The following SLC2A7 variants were observed in gnomAD, a reference collection of about 807,000 sequenced individuals.
SLC2A7 encodes solute carrier family 2 member 7.
A neutral mutation model predicts 50.5 loss-of-function variants in SLC2A7; 50 were observed. The ratio of observed to expected loss-of-function variants is 0.99; its 90% confidence interval spans 0.79 to 1.25. SLC2A7 has a LOEUF of 1.25. Ranked by LOEUF, SLC2A7 falls within the 50% of genes most tolerant of loss-of-function variation. The pLI, the probability that SLC2A7 is intolerant of heterozygous loss-of-function variation, is 0.00. For missense variants in SLC2A7, 683 were observed against 679.1 expected, an observed-to-expected ratio of 1.01 and a Z score of -0.06; for synonymous variants, 308 against 300.4, an observed-to-expected ratio of 1.03 and a Z score of -0.26.
chr1:9,022,441 T>A (rs1640924801), intron 3 of SLC2A7, among the ~76,000 whole-genome samples: 1 of 152,112 alleles, frequency 6.6e-6, no homozygotes, highest in African/African-American at 2.4e-5. Flanking sequence ...AGTCTTCATT[T>A]CCAAATAATC....
chr1:9,018,249 A>C lies in SLC2A7; in HGVS notation c.563T>G (p.Leu188Arg). The change falls in exon 5 of 12, where the codon CTC becomes CGC. Residue 188 changes from leucine (L) to arginine (R), a missense_variant. Transcript: ENST00000400906. Reference protein sequence around the residue: ...VGVFLAQIFSLQAILGNPAGW... With the variant: ...VGVFLAQIFSRQAILGNPAGW... The stretch of plus-strand genomic sequence containing the variant: ...TGCCGGGTTGCCCAAGATGGCCTGG[A>C]GGCTGAAGATCTGTGCTAGGAAGAC... 1.2e-6 allele frequency: 2 copies of C among 1,614,126 alleles called. 1 individual carries two copies. Among genetic ancestry groups the C allele is most frequent in the East Asian group, 4.5e-5 (2 of 44,880 alleles).
chr1:9,015,980 C>G lies in SLC2A7; in HGVS notation c.590-738G>C, dbSNP rs1463186530. ...TCTTGGGCTCAAATGATCCTCCTGC[C>G]TTGGCCTCCCAAAATGCTGGGCATG... On this transcript the variant is annotated intron_variant, in intron 5 of 11. Coordinates refer to ENST00000400906, the MANE Select transcript of SLC2A7 (RefSeq NM_207420.3). Among the ~76,000 whole-genome samples the G allele has an allele frequency of 2.6e-5, 4 of 152,090 alleles. No homozygotes were observed. The East Asian group carries it at 7.7e-4, about 29-fold the overall frequency.
chr1:8,997,588 C>T, the SLC2A7 span, among the ~76,000 whole-genome samples: 2 of 151,870 alleles, frequency 1.3e-5, no homozygotes, highest in Non-Finnish European at 2.9e-5. Context: ...TTAGTAGAGA[C>T]GGGGTTTCAC....
chr1:9,013,600 C>A lies in SLC2A7; in HGVS notation c.939G>T (p.Ala313=). The A allele has an allele frequency of 6.2e-7, 1 of 1,614,106 alleles. No individual in the cohort carries two copies. Among genetic ancestry groups the A allele is most frequent in the Non-Finnish European group, 8.5e-7 (1 of 1,179,988 alleles). ...ATTGGGAGTGAGCGGCCTCCACGCC[C>A]GCAGATGTGTAGATGGTGTCCGCAT... ...NYYADTIYTS[A]GVEAAHSQYV... Residue 313 remains alanine (A), a synonymous_variant, in exon 8 of 12, where the codon GCG becomes GCT. Transcript: ENST00000400906.
At chr1:9,004,636 G>A in intron 11 of SLC2A7, 116 bp downstream of exon 11, 1 of 1,302,846 alleles carries the variant, frequency 7.7e-7, no homozygotes, top group Non-Finnish European at 1.1e-6. Flanking sequence ...ACCCTTGGAT[G>A]TGTCTGAGAG....
chr1:9,021,300 G>A (rs1039278810), intron 3 of SLC2A7, among the ~76,000 whole-genome samples: 2 of 152,114 alleles, frequency 1.3e-5, no homozygotes, highest in Non-Finnish European at 2.9e-5. Flanking sequence ...GCGAGCCCCC[G>A]TGCCCAGCCT....
the SLC2A7 span, among the ~76,000 whole-genome samples, chr1:8,995,117 A>G: frequency 4.6e-5 from 7 of 151,316 alleles, no homozygotes; most frequent in East Asian, 1.4e-3. Context: ...CACCAGGTGC[A>G]CAAACGCCAA....
chr1:8,997,115 C>T, the SLC2A7 span, among the ~76,000 whole-genome samples: 6 of 152,044 alleles, frequency 3.9e-5, no homozygotes, highest in South Asian at 2.1e-4. Flanking sequence ...TTTACCATCA[C>T]GTATCTTCTT....
At chr1:9,024,831 T>C (rs1027949618) in intron 2 of SLC2A7, 145 bp downstream of exon 2, 10 of 824,604 alleles carry the variant, frequency 1.2e-5, no homozygotes, top group African/African-American at 1.2e-4. Flanking sequence ...TCCAGGGTAC[T>C]AGGGCAAGCT....
intron 2 of SLC2A7, among the ~76,000 whole-genome samples, chr1:9,024,686 G>A (rs1363043671): frequency 6.6e-6 from 1 of 152,136 alleles, no homozygotes; most frequent in South Asian, 2.1e-4. Context: ...CCCAAGGTGA[G>A]AGCAGTGGGA....
chr1:9,013,779 A>G (rs1044021621), intron 7 of SLC2A7, 144 bp from the exon 8 acceptor site: 52 of 651,234 alleles, frequency 8.0e-5, no homozygotes, highest in East Asian at 5.9e-5. Context: ...TGGGAAAAAG[A>G]GGCCTGACCT....
intron 11 of SLC2A7, among the ~76,000 whole-genome samples, chr1:9,004,339 A>AG: frequency 6.6e-6 from 1 of 152,056 alleles, no homozygotes; most frequent in African/African-American, 2.4e-5. Context: ...TCTAAAAAAA[A>AG]AAAAAAAAGA....
At chr1:9,019,430 G>A (rs774858319) in intron 3 of SLC2A7, 97 bp from the exon 4 acceptor site, 64 of 1,504,906 alleles carry the variant, frequency 4.3e-5, no homozygotes, top group Middle Eastern at 2.0e-4. Flanking sequence ...CTACAGAGGC[G>A]CGGGGAATGT....
At chr1:9,023,379 G>A (rs1395841906) in intron 2 of SLC2A7, among the ~76,000 whole-genome samples, 2 of 152,172 alleles carry the variant, frequency 1.3e-5, no homozygotes, top group African/African-American at 2.4e-5. Context: ...AGGTTGAGGC[G>A]GGCAGATCAT....
At chr1:9,019,448 AAAGAGCTG>A in intron 3 of SLC2A7, 115 bp from the exon 4 acceptor site, 1 of 1,430,402 alleles carries the variant, frequency 7.0e-7, no homozygotes, top group South Asian at 1.4e-5. Context: ...TGTGCCCGAG[AAAGAGCTG>A]AAGCAGGGGG....
At chr1:9,019,104 A>G (rs556041899) in intron 4 of SLC2A7, 105 bp downstream of exon 4, 2 of 1,464,348 alleles carry the variant, frequency 1.4e-6, no homozygotes, top group Non-Finnish European at 9.1e-7. Context: ...ACGTCTTGAA[A>G]TGAAAAGAGG....
At chr1:9,000,230 G>T (rs1301228548), downstream of SLC2A7, among the ~76,000 whole-genome samples, 2 of 152,134 alleles carry the variant, frequency 1.3e-5, no homozygotes, top group Non-Finnish European at 1.5e-5. Flanking sequence ...GGCTGAGGTG[G>T]GAGGATTGCT....
chr1:9,022,269 G>A (rs1444884378), intron 3 of SLC2A7, among the ~76,000 whole-genome samples: 4 of 152,218 alleles, frequency 2.6e-5, no homozygotes, highest in Admixed American at 6.5e-5. Context: ...CTAAGGGAAT[G>A]CCACCAGGCC....
intron 5 of SLC2A7, among the ~76,000 whole-genome samples, chr1:9,017,438 C>G (rs1238486852): frequency 9.8e-5 from 15 of 152,334 alleles, no homozygotes; most frequent in Admixed American, 3.3e-4. Flanking sequence ...GGTCCTGCCC[C>G]ACACCCAGAA....
Sources: gnomAD v4.1 joint callset for allele counts (sites outside exome capture counted in the v4.1 genomes callset) on GRCh38, gnomAD v4.1.1 for gene constraint, MANE v1.5 for transcripts, NCBI Gene and HGNC (gene_info 2026-07-23, HGNC 2026-07-21) for gene names.